The following NOX3 variants were observed in gnomAD, a reference collection of about 807,000 sequenced individuals.
NOX3 encodes the protein NADPH oxidase 3.
A neutral mutation model predicts 76.7 loss-of-function variants in NOX3; 74 were observed. The observed-to-expected ratio is 0.96, with a 90% confidence interval of 0.80 to 1.17. The LOEUF (loss-of-function observed/expected upper bound fraction) is 1.17. Ranked by LOEUF, NOX3 falls within the 50% of genes most tolerant of loss-of-function variation. The pLI, the probability that NOX3 is intolerant of heterozygous loss-of-function variation, is 0.00. For missense variants in NOX3, 695 were observed against 703.3 expected (o/e 0.99, Z 0.13); for synonymous variants, 263 against 261.1 (o/e 1.01, Z -0.07).
At chr6:155,454,472 G>T (rs13203407) in intron 3 of NOX3, among the ~76,000 whole-genome samples, 18,373 of 152,150 alleles carry the variant, frequency 0.12, 1,179 homozygotes, top group Admixed American at 0.19. Flanking sequence ...ATGTTTCCTG[G>T]TGGCGTTTGT....
At chr6:155,406,315 C>A (rs988776152) in intron 12 of NOX3, among the ~76,000 whole-genome samples, 3 of 152,120 alleles carry the variant, frequency 2.0e-5, no homozygotes, top group East Asian at 1.9e-4. Flanking sequence ...CAATGGGGTG[C>A]GAAAGCTCAA....
intron 7 of NOX3, among the ~76,000 whole-genome samples, chr6:155,435,185 A>G (rs971553479): frequency 2.0e-5 from 3 of 152,076 alleles, no homozygotes; most frequent in African/African-American, 7.2e-5. Flanking sequence ...AGCAGGGGAG[A>G]GTTAGAGAGA....
chr6:155,411,610 T>A (rs1447883093), intron 10 of NOX3, among the ~76,000 whole-genome samples: 2 of 152,216 alleles, frequency 1.3e-5, no homozygotes, highest in African/African-American at 4.8e-5. Flanking sequence ...CCAGTTTCTC[T>A]GGATGAGGAT....
intron 10 of NOX3, among the ~76,000 whole-genome samples, chr6:155,417,390 T>C (rs2114685745): frequency 6.6e-6 from 1 of 152,250 alleles, no homozygotes; most frequent in South Asian, 2.1e-4. Flanking sequence ...TTTTAAAATG[T>C]TTGTGTATTT....
chr6:155,425,588 G>A (rs576261998), intron 9 of NOX3, among the ~76,000 whole-genome samples: 1 of 152,264 alleles, frequency 6.6e-6, no homozygotes, highest in Non-Finnish European at 1.5e-5. Flanking sequence ...AATAATAGTA[G>A]CTAACTCTTT....
Position 155,453,485 on chromosome 6 carries a change from A to C in NOX3, c.259T>G (p.Cys87Gly), listed in dbSNP as rs1777173190. ...ISFIRGTSIC[C>G]RGPWRRQLDK... ...AATTGCCTCCTCCACGGTCCTCTGC[A>C]GCACTAGAGTAACAAAAAAATATGC... The change falls in exon 4 of 14, where the codon TGC (cysteine) becomes GGC (glycine). Residue 87 changes from cysteine to glycine, a missense_variant. Physicochemically the swap from Cys to Gly is radical, Grantham distance 159 (BLOSUM62 -3). Coordinates refer to ENST00000159060, the MANE Select transcript of NOX3 (RefSeq NM_015718.3). 6.2e-7 allele frequency: 1 copy of C among 1,612,300 alleles called. No individual in the cohort carries two copies. Among genetic ancestry groups the C allele is most frequent in the Non-Finnish European group, 8.5e-7 (1 of 1,178,472 alleles).
chr6:155,443,230 C>T lies in NOX3; in HGVS notation c.486+43G>A, dbSNP rs199900748. The T allele has an allele frequency of 3.6e-5, 57 of 1,583,954 alleles. 1 individual carries two copies. Among genetic ancestry groups the T allele is most frequent in the South Asian group, 2.7e-4 (24 of 87,534 alleles). ...TCCTGATTAGAGGACTGGAAAAGGA[C>T]GGATTTTTCAGGGGAGAAGCTTGTT... On this transcript the variant is annotated intron_variant, in intron 5 of 13. Transcript: ENST00000159060.
chr6:155,423,610 C>T (rs906338297), intron 9 of NOX3, among the ~76,000 whole-genome samples: 1 of 152,158 alleles, frequency 6.6e-6, no homozygotes, highest in African/African-American at 2.4e-5. Flanking sequence ...CACTGGTTCT[C>T]ACACTGGTGA....
At position 155,443,378 on chromosome 6, in the gene NOX3, G is replaced by A; in HGVS notation, c.381C>T (p.Tyr127=). Residue 127 remains tyrosine, a synonymous_variant, in exon 5 of 14, where the codon TAC becomes TAT. Transcript: ENST00000159060. ...IVAHFFNLER[Y]HWSQSEEAQG... ...GGGCCTCCTCGGACTGGCTCCAGTG[G>A]TAGCGTTCCAGGTTGAAGAAATGCG... The A allele has an allele frequency of 6.2e-7, 1 of 1,614,060 alleles. No individual in the cohort carries two copies. Among genetic ancestry groups the A allele is most frequent in the African/African-American group, 1.3e-5 (1 of 75,042 alleles).
chr6:155,426,200 C>T (rs1012098329), intron 9 of NOX3, among the ~76,000 whole-genome samples: 6 of 152,042 alleles, frequency 3.9e-5, no homozygotes, highest in East Asian at 1.9e-4. Context: ...AGGCAGAGGG[C>T]GAAACAAATT....
At chr6:155,436,691 T>C (rs1776909152) in intron 6 of NOX3, 144 bp from the exon 7 acceptor site, 1 of 799,928 alleles carries the variant, frequency 1.3e-6, no homozygotes, top group Admixed American at 3.2e-5. Flanking sequence ...CTGTCATTCA[T>C]TTCCCCCAGC....
rs112521203 is a variant in NOX3, at chr6:155,455,255, C to G, written c.49-126G>C. 193 of 614,746 alleles carry G rather than the reference C, an allele frequency of 3.1e-4. No individual in the cohort carries two copies. In the African/African-American group the frequency reaches 3.4e-3, roughly 11 times the overall value. The allele number at this position is 614,746 out of a possible 1,614,324, so 38.1% of individuals were successfully genotyped here. ...CTCAATATTAATCAGAATTACTCCA[C>G]ATATTTATTTCTCATAGATTAGTTT... is the stretch of plus-strand genomic sequence containing the variant. On this transcript the variant is annotated intron_variant, in intron 1 of 13. Coordinates refer to ENST00000159060, the MANE Select transcript of NOX3 (RefSeq NM_015718.3).
rs200010606 is a variant in NOX3, at chr6:155,429,033, G to T, written c.906C>A (p.Pro302=). 5 of 1,599,576 alleles carry T rather than the reference G, an allele frequency of 3.1e-6. No individual in the cohort carries two copies. The South Asian group carries it at 4.5e-5, about 14-fold the overall frequency. Reference sequence around the variant, plus strand: ...TCATGTGAAGTTCCAGGACTCCAGAGGGGTGGCTTACCACCTATGTGAGAG... The same window carrying T: ...TCATGTGAAGTTCCAGGACTCCAGATGGGTGGCTTACCACCTATGTGAGAG... ...EVVITKVVSH[P]SGVLELHMKK... Residue 302 remains proline, a synonymous_variant, in exon 9 of 14, where the codon CCC becomes CCA. Transcript: ENST00000159060.
At chr6:155,445,755 T>C (rs1777051217) in intron 4 of NOX3, among the ~76,000 whole-genome samples, 1 of 151,534 alleles carries the variant, frequency 6.6e-6, no homozygotes, top group Non-Finnish European at 1.5e-5. Context: ...TATTTGACAA[T>C]TATTTGCTTA....
rs772315372 is a variant in NOX3, at chr6:155,443,375, G to A, written c.384C>T (p.His128=). 5.6e-5 allele frequency: 91 copies of A among 1,613,966 alleles called. No individual in the cohort carries two copies. Among genetic ancestry groups the A allele is most frequent in the Non-Finnish European group, 7.3e-5 (86 of 1,179,982 alleles). ...CCTGGGCCTCCTCGGACTGGCTCCA[G>A]TGGTAGCGTTCCAGGTTGAAGAAAT... ...VAHFFNLERY[H]WSQSEEAQGL... is the part of the protein sequence containing the mutation. Residue 128 remains histidine, a synonymous_variant, in exon 5 of 14, where the codon CAC becomes CAT. Coordinates refer to ENST00000159060, the MANE Select transcript of NOX3 (RefSeq NM_015718.3).
intron 12 of NOX3, among the ~76,000 whole-genome samples, chr6:155,406,880 T>C (rs112165106): frequency 0.01 from 1,589 of 152,322 alleles, 29 homozygotes; most frequent in Non-Finnish European, 0.012. Context: ...CATATGTAGT[T>C]GAAGAAATAC....
At chr6:155,433,693 T>TA (rs1776864796) in intron 7 of NOX3, among the ~76,000 whole-genome samples, 1 of 152,112 alleles carries the variant, frequency 6.6e-6, no homozygotes, top group Non-Finnish European at 1.5e-5. Context: ...GCCAGAGACT[T>TA]AGAGTGAATG....
At chr6:155,432,520 T>G (rs543418158) in intron 7 of NOX3, among the ~76,000 whole-genome samples, 34 of 152,334 alleles carry the variant, frequency 2.2e-4, no homozygotes, top group African/African-American at 7.5e-4. Flanking sequence ...GCTCTGTCTC[T>G]TCTGTTGATG....
chr6:155,414,778 C>A (rs887740250), intron 10 of NOX3, among the ~76,000 whole-genome samples: 5 of 151,900 alleles, frequency 3.3e-5, no homozygotes, highest in Non-Finnish European at 7.4e-5. Flanking sequence ...CAGGCATGTG[C>A]CACCATGCAC....
Sources: gnomAD v4.1 joint callset for allele counts (sites outside exome capture counted in the v4.1 genomes callset) on GRCh38, gnomAD v4.1.1 for gene constraint, MANE v1.5 for transcripts, NCBI Gene and HGNC (gene_info 2026-07-23, HGNC 2026-07-21) for gene names.